INVS: variants seen among roughly 807,000 people sequenced by gnomAD.
INVS encodes the protein inversion of embryo turning homolog.
INVS carries 86 observed loss-of-function variants against 108.8 expected under a neutral mutation model. The observed-to-expected ratio is 0.79, with a 90% CI of 0.66 to 0.95. INVS has a LOEUF of 0.95. Ranked by LOEUF, INVS falls within the 40% of genes least tolerant of loss-of-function variation. INVS has a pLI of 0.00. For missense variants in INVS, 1,169 were observed against 1,297.4 expected, an observed-to-expected ratio of 0.90 and a Z score of 1.52; for synonymous variants, 455 against 473.5, an observed-to-expected ratio of 0.96 and a Z score of 0.51.
chr9:100,277,191 T>G (rs1348141045), intron 12 of INVS, among the ~76,000 whole-genome samples: 1 of 152,236 alleles, frequency 6.6e-6, no homozygotes, highest in East Asian at 1.9e-4. Flanking sequence ...CCTTTGGTCT[T>G]GAAGCTACCC....
chr9:100,164,875 CTT>C (rs966421345), intron 3 of INVS, among the ~76,000 whole-genome samples: 24 of 146,860 alleles, frequency 1.6e-4, no homozygotes, highest in Non-Finnish European at 2.8e-4. Context: ...CTCCATCTCT[CTT>C]TGTTTCTTTT....
intron 3 of INVS, among the ~76,000 whole-genome samples, chr9:100,197,167 C>A (rs1048501561): frequency 2.0e-5 from 3 of 152,224 alleles, no homozygotes; most frequent in Non-Finnish European, 4.4e-5. Flanking sequence ...GTTCCTACAA[C>A]TCCCTGTCTA....
At chr9:100,229,551 A>T (rs1038343795) in intron 4 of INVS, 109 bp from the exon 5 acceptor site, 1 of 903,394 alleles carries the variant, frequency 1.1e-6, no homozygotes, top group Middle Eastern at 3.2e-4. Context: ...AAACAAAGAT[A>T]CAGGGCAACT....
intron 3 of INVS, among the ~76,000 whole-genome samples, chr9:100,217,401 C>A (rs1831024081): frequency 6.6e-6 from 1 of 152,028 alleles, no homozygotes; most frequent in African/African-American, 2.4e-5. Context: ...TTTAATTAAC[C>A]CTATTTACAA....
intron 11 of INVS, 144 bp downstream of exon 11, chr9:100,265,072 A>G (rs1832748039): frequency 1.0e-5 from 7 of 670,662 alleles, no homozygotes; most frequent in Non-Finnish European, 1.9e-5. Context: ...CCTCCTGAGT[A>G]CCTGGGATTA....
At chr9:100,195,138 G>C (rs1286054281) in intron 3 of INVS, among the ~76,000 whole-genome samples, 1 of 152,166 alleles carries the variant, frequency 6.6e-6, no homozygotes, top group Admixed American at 6.5e-5. Context: ...ACAGGGTCTA[G>C]TCTCACAAAA....
chr9:100,171,765 A>G (rs1329808342), intron 3 of INVS, among the ~76,000 whole-genome samples: 1 of 152,058 alleles, frequency 6.6e-6, no homozygotes, highest in African/African-American at 2.4e-5. Context: ...AAATTGGTAC[A>G]TTTTACCTTC....
At chr9:100,209,559 A>T (rs1326146035) in intron 3 of INVS, among the ~76,000 whole-genome samples, 2 of 152,106 alleles carry the variant, frequency 1.3e-5, no homozygotes, top group African/African-American at 4.8e-5. Context: ...TCACAAGGTC[A>T]GGAGATCGAG....
intron 2 of INVS, chr9:100,117,336 C>G: frequency 1.4e-6 from 1 of 733,748 alleles, no homozygotes; most frequent in Non-Finnish European, 2.5e-6. Flanking sequence ...TTGAGAGAGG[C>G]CCCCAGGAAA....
chr9:100,126,589 T>C, intron 3 of INVS, 40 bp downstream of exon 3: 1 of 1,583,226 alleles, frequency 6.3e-7, no homozygotes, highest in Non-Finnish European at 8.7e-7. Flanking sequence ...ATGTTTTGTG[T>C]GATGTCTGCT....
At chr9:100,280,406 A>C (rs757830719) in intron 12 of INVS, among the ~76,000 whole-genome samples, 2 of 152,140 alleles carry the variant, frequency 1.3e-5, no homozygotes, top group African/African-American at 4.8e-5. Context: ...AGAGCTGCAA[A>C]ATTGCTCTAA....
chr9:100,235,158 T>C (rs1831640823), intron 5 of INVS, among the ~76,000 whole-genome samples: 1 of 152,164 alleles, frequency 6.6e-6, no homozygotes, highest in South Asian at 2.1e-4. Context: ...TGGTTTAAAG[T>C]CTGTTTTATC....
At chr9:100,115,385 A>G (rs1827482224) in intron 2 of INVS, among the ~76,000 whole-genome samples, 1 of 151,970 alleles carries the variant, frequency 6.6e-6, no homozygotes, top group Non-Finnish European at 1.5e-5. Flanking sequence ...TACATGTGCC[A>G]TCTTGGTGTG....
chr9:100,273,139 G>C (rs972338228), intron 12 of INVS, 63 bp downstream of exon 12: 4 of 1,242,906 alleles, frequency 3.2e-6, no homozygotes, highest in East Asian at 2.3e-5. Flanking sequence ...GTGGGGGTGT[G>C]GGGGGTGCTG....
At chr9:100,158,566 C>A (rs1428921986) in intron 3 of INVS, among the ~76,000 whole-genome samples, 1 of 152,190 alleles carries the variant, frequency 6.6e-6, no homozygotes, top group Non-Finnish European at 1.5e-5. Context: ...CTGGTGCCCA[C>A]AAACTTCTTA....
intron 3 of INVS, among the ~76,000 whole-genome samples, chr9:100,169,657 G>T (rs1349783101): frequency 4.6e-5 from 7 of 152,166 alleles, no homozygotes; most frequent in African/African-American, 1.7e-4. Flanking sequence ...CAATGTGGTA[G>T]GTACTAAGAG....
At chr9:100,237,007 C>G (rs1240292590) in intron 5 of INVS, among the ~76,000 whole-genome samples, 2 of 152,210 alleles carry the variant, frequency 1.3e-5, no homozygotes, top group East Asian at 3.9e-4. Flanking sequence ...GGAGTTTTAT[C>G]TATAAGCCCC....
chr9:100,289,046 A>G (rs191677649), intron 13 of INVS, among the ~76,000 whole-genome samples: 10 of 152,194 alleles, frequency 6.6e-5, no homozygotes, highest in Admixed American at 4.6e-4. Context: ...TTATCTCTAA[A>G]TTTTGCTTAC....
chr9:100,148,886 T>C (rs1828716503), intron 3 of INVS, among the ~76,000 whole-genome samples: 1 of 152,188 alleles, frequency 6.6e-6, no homozygotes, highest in Non-Finnish European at 1.5e-5. Flanking sequence ...AAAACAACTT[T>C]AGATCTGGGA....
Sources: gnomAD v4.1 joint callset for allele counts (sites outside exome capture counted in the v4.1 genomes callset) on GRCh38, gnomAD v4.1.1 for gene constraint, MANE v1.5 for transcripts, NCBI Gene and HGNC (gene_info 2026-07-23, HGNC 2026-07-21) for gene names.